Variants in UBR3 observed in about 807,000 individuals in gnomAD.
UBR3 encodes E3 ubiquitin-protein ligase UBR3.
A neutral mutation model predicts 243.2 loss-of-function variants in UBR3; 85 were observed. The observed-to-expected ratio is 0.35, with a 90% CI of 0.29 to 0.42. UBR3 has a LOEUF of 0.42. Ranked by LOEUF, UBR3 falls within the 10% of genes least tolerant of loss-of-function variation. The pLI, the probability that UBR3 is intolerant of heterozygous loss-of-function variation, is 1.00. For synonymous variants in UBR3, 748 were observed against 799.8 expected (o/e 0.94, Z 1.09); for missense variants, 1,686 against 2,300.8 (o/e 0.73, Z 5.47).
At chr2:169,983,252 C>CT (rs72194627) in intron 24 of UBR3, among the ~76,000 whole-genome samples, 1,086 of 71,972 alleles carry the variant, frequency 0.015, 84 homozygotes, top group African/African-American at 0.031. Flanking sequence ...ATTCTCTCTC[C>CT]TTTTTTTTTT....
intron 19 of UBR3, among the ~76,000 whole-genome samples, chr2:169,935,289 C>G (rs770180882): frequency 1.3e-5 from 2 of 152,208 alleles, no homozygotes; most frequent in Non-Finnish European, 2.9e-5. Flanking sequence ...TCTTACCCCC[C>G]TGAGTAGCTA....
chr2:169,898,344 A>G (rs17554448), intron 8 of UBR3, among the ~76,000 whole-genome samples: 19,430 of 152,260 alleles, frequency 0.13, 1,499 homozygotes, highest in Non-Finnish European at 0.16. Context: ...TGCGTTATAT[A>G]TAATAGCTAG....
intron 24 of UBR3, chr2:169,964,822 T>G: frequency 2.2e-6 from 1 of 456,098 alleles, no homozygotes; most frequent in Non-Finnish European, 4.4e-6. Context: ...TTGACCTCTT[T>G]TGGCAGTAGC....
chr2:170,013,208 G>A (rs566857783), intron 29 of UBR3, among the ~76,000 whole-genome samples: 3 of 152,172 alleles, frequency 2.0e-5, no homozygotes, highest in Admixed American at 1.3e-4. Flanking sequence ...TCGGACATGG[G>A]ACATATGACC....
At chr2:170,005,815 A>C (rs1230367018) in intron 27 of UBR3, among the ~76,000 whole-genome samples, 1 of 152,120 alleles carries the variant, frequency 6.6e-6, no homozygotes, top group Admixed American at 6.5e-5. Context: ...GTGATGAGGA[A>C]AACATATCGA....
rs188181385 is a variant in UBR3, at chr2:170,082,334, G to A, written c.*491G>A. 6.5e-6 allele frequency: 1 copy of A among 152,752 alleles called. No homozygotes were observed. The highest frequency in any genetic ancestry group is 2.4e-5 in the African/African-American group (1 of 41,546). 9.5% of individuals were successfully genotyped at this position (152,752 alleles called of 1,614,324 possible). On this transcript the variant is annotated 3_prime_UTR_variant, in exon 39 of 39. Coordinates refer to ENST00000272793, the MANE Select transcript of UBR3 (RefSeq NM_172070.4). ...AAAAAATGTAAAACATGATTTATGT[G>A]AAATACTGTATAGTAAAAGTTGGTC...
At chr2:170,038,640 G>T (rs1408398865) in intron 31 of UBR3, among the ~76,000 whole-genome samples, 1 of 152,146 alleles carries the variant, frequency 6.6e-6, no homozygotes, top group East Asian at 1.9e-4. Context: ...CGGGGTGAGT[G>T]AGAGAAGATG....
chr2:170,035,130 T>C (rs558437811), intron 31 of UBR3, among the ~76,000 whole-genome samples: 1 of 152,166 alleles, frequency 6.6e-6, no homozygotes, highest in East Asian at 1.9e-4. Flanking sequence ...GCTTGTCTTC[T>C]CATTGTCTTG....
intron 24 of UBR3, among the ~76,000 whole-genome samples, chr2:169,977,208 C>T (rs953712351): frequency 2.0e-5 from 3 of 151,590 alleles, no homozygotes; most frequent in East Asian, 3.9e-4. Flanking sequence ...ATTTTTTTTC[C>T]TGGCAATTTG....
At chr2:170,008,702 T>C (rs1170915712) in intron 28 of UBR3, 102 bp from the exon 29 acceptor site, 1 of 620,712 alleles carries the variant, frequency 1.6e-6, no homozygotes, top group Admixed American at 3.6e-5. Flanking sequence ...GACTTTTTAA[T>C]TTTAATTTCC....
chr2:169,961,657 G>A (rs72874430), intron 24 of UBR3, among the ~76,000 whole-genome samples: 14,725 of 152,028 alleles, frequency 0.097, 1,061 homozygotes, highest in Admixed American at 0.18. Flanking sequence ...GTCTTTTACC[G>A]TTCATTTGAT....
chr2:169,857,616 G>C (rs1000231787), intron 1 of UBR3, among the ~76,000 whole-genome samples: 2 of 151,246 alleles, frequency 1.3e-5, no homozygotes, highest in African/African-American at 4.9e-5. Context: ...TAGTAGAGGT[G>C]GGGTTTCACC....
At chr2:170,056,406 T>G (rs1466416190) in intron 33 of UBR3, among the ~76,000 whole-genome samples, 1 of 152,214 alleles carries the variant, frequency 6.6e-6, no homozygotes, top group Admixed American at 6.5e-5. Context: ...CAGTTTAAGC[T>G]AAATTATGCA....
At chr2:169,928,621 C>T (rs2086000381) in intron 17 of UBR3, 106 bp from the exon 18 acceptor site, 1 of 850,474 alleles carries the variant, frequency 1.2e-6, no homozygotes. Flanking sequence ...ATATTACAAC[C>T]AATTACTATT....
At chr2:170,080,796 C>T in intron 38 of UBR3, 112 bp downstream of exon 38, 1 of 1,202,684 alleles carries the variant, frequency 8.3e-7, no homozygotes, top group Non-Finnish European at 1.1e-6. Flanking sequence ...GAAATTCTGA[C>T]AGTCATTAAT....
intron 29 of UBR3, among the ~76,000 whole-genome samples, chr2:170,011,833 G>C (rs748423314): frequency 4.6e-5 from 7 of 151,974 alleles, no homozygotes; most frequent in Non-Finnish European, 1.0e-4. Flanking sequence ...ACACATGTCA[G>C]TCATCTATAC....
intron 19 of UBR3, among the ~76,000 whole-genome samples, chr2:169,941,937 A>C (rs4667611): frequency 0.98 from 148,773 of 152,296 alleles, 72,750 homozygotes; most frequent in East Asian, 1. Flanking sequence ...TAGATGGGAT[A>C]TCAGTTCTAT....
At chr2:170,044,694 T>C (rs2091042099) in intron 32 of UBR3, among the ~76,000 whole-genome samples, 1 of 152,158 alleles carries the variant, frequency 6.6e-6, no homozygotes. Flanking sequence ...TGTTTTTCTT[T>C]CATGTAGAAA....
rs764909815 is a variant in UBR3 at position 170,008,880 on chromosome 2, A to G, written c.4307A>G (p.Asp1436Gly). 1 of 1,593,964 alleles carries G rather than the reference A, an allele frequency of 6.3e-7. No individual in the cohort carries two copies. The highest frequency in any genetic ancestry group is 1.7e-5 in the Admixed American group (1 of 57,388). The stretch of plus-strand genomic sequence containing the variant: ...AATACCACTCAGAAGAAATATAGAG[A>G]CTATAGCAAGACCCCGGGCTCACCA... ...IKNTTQKKYRDYSKTPGSPDN... is the reference protein window; with the variant it reads ...IKNTTQKKYRGYSKTPGSPDN... Residue 1436 changes from aspartate to glycine, a missense_variant, in exon 29 of 39, where the codon GAC (aspartate) becomes GGC (glycine). Transcript: ENST00000272793.
Sources: gnomAD v4.1 joint callset for allele counts (sites outside exome capture counted in the v4.1 genomes callset) on GRCh38, gnomAD v4.1.1 for gene constraint, MANE v1.5 for transcripts, NCBI Gene and HGNC (gene_info 2026-07-23, HGNC 2026-07-21) for gene names.